The following EDIL3 variants were observed in gnomAD, a reference collection of about 807,000 sequenced individuals.
EDIL3 encodes the protein EGF-like repeat and discoidin I-like domain-containing protein 3.
In EDIL3, 37 loss-of-function variants were observed where a neutral mutation model predicts 67.4. That is an observed-to-expected ratio of 0.55 (90% CI 0.42 to 0.72). The LOEUF is 0.72. Ranked by LOEUF, EDIL3 falls within the 30% of genes least tolerant of loss-of-function variation. The pLI, the probability that EDIL3 is intolerant of heterozygous loss-of-function variation, is 0.00. For synonymous variants in EDIL3, 195 were observed against 196.3 expected, an observed-to-expected ratio of 0.99 and a Z score of 0.05; for missense variants, 527 against 586.3, an observed-to-expected ratio of 0.90 and a Z score of 1.04.
chr5:84,021,331 T>C (rs1363334482), intron 9 of EDIL3, among the ~76,000 whole-genome samples: 1 of 152,002 alleles, frequency 6.6e-6, no homozygotes, highest in Non-Finnish European at 1.5e-5. Context: ...TTAAAACCTT[T>C]CTACTTTTTA....
chr5:84,371,438 T>C (rs1189056180), intron 1 of EDIL3, among the ~76,000 whole-genome samples: 1 of 53,840 alleles, frequency 1.9e-5, no homozygotes, highest in Non-Finnish European at 3.9e-5. Context: ...TGTGTGTATA[T>C]ATATATATAT....
chr5:84,164,607 C>A (rs117982905), intron 4 of EDIL3, among the ~76,000 whole-genome samples: 1 of 152,034 alleles, frequency 6.6e-6, no homozygotes. Context: ...TGTTCTCTAG[C>A]GTTCTGCTTT....
chr5:83,943,752 T>A (rs1744265734), intron 10 of EDIL3, among the ~76,000 whole-genome samples, 184 bp from the exon 11 acceptor site: 1 of 152,120 alleles, frequency 6.6e-6, no homozygotes, highest in Non-Finnish European at 1.5e-5. Context: ...TCAATTAATG[T>A]TTAAAGAGTT....
At chr5:84,003,409 A>G (rs747031123) in intron 9 of EDIL3, among the ~76,000 whole-genome samples, 27 of 152,202 alleles carry the variant, frequency 1.8e-4, no homozygotes, top group Non-Finnish European at 3.4e-4. Flanking sequence ...CAGGGTGCCA[A>G]GCTAAGGTCT....
intron 9 of EDIL3, among the ~76,000 whole-genome samples, chr5:84,005,721 G>T (rs1421513649): frequency 6.6e-6 from 1 of 151,982 alleles, no homozygotes; most frequent in Non-Finnish European, 1.5e-5. Context: ...ATATCATACT[G>T]AATGGGCAAA....
chr5:84,162,804 T>C (rs1242221775), intron 4 of EDIL3, among the ~76,000 whole-genome samples: 6 of 152,112 alleles, frequency 3.9e-5, no homozygotes, highest in Admixed American at 2.6e-4. Flanking sequence ...TACCTTTCTC[T>C]GTCCTTGATC....
intron 8 of EDIL3, among the ~76,000 whole-genome samples, chr5:84,062,568 A>T (rs1317861117): frequency 6.6e-6 from 1 of 152,142 alleles, no homozygotes; most frequent in Non-Finnish European, 1.5e-5. Flanking sequence ...ATGAATGAGT[A>T]TTCCTCCTCT....
intron 1 of EDIL3, among the ~76,000 whole-genome samples, chr5:84,335,589 C>A (rs534256863): frequency 6.6e-6 from 1 of 152,124 alleles, no homozygotes; most frequent in South Asian, 2.1e-4. Flanking sequence ...AAGAAAACTA[C>A]GTCCCAATTC....
intron 1 of EDIL3, among the ~76,000 whole-genome samples, chr5:84,263,188 TGA>T (rs1745270401): frequency 6.6e-6 from 1 of 152,042 alleles, no homozygotes; most frequent in Non-Finnish European, 1.5e-5. Context: ...CAAGAAAGCA[TGA>T]GAGAGGGCCA....
At chr5:84,270,203 A>G (rs1169790966) in intron 1 of EDIL3, among the ~76,000 whole-genome samples, 6 of 152,204 alleles carry the variant, frequency 3.9e-5, no homozygotes, top group Non-Finnish European at 7.3e-5. Context: ...CACAACCTAT[A>G]AAAACCCAAT....
At chr5:84,350,920 A>AAT (rs1747343030) in intron 1 of EDIL3, among the ~76,000 whole-genome samples, 1 of 152,182 alleles carries the variant, frequency 6.6e-6, no homozygotes, top group Non-Finnish European at 1.5e-5. Flanking sequence ...ACATTTAACC[A>AAT]ATATGTAAAT....
At chr5:84,338,669 C>T (rs1379992645) in intron 1 of EDIL3, among the ~76,000 whole-genome samples, 1 of 152,176 alleles carries the variant, frequency 6.6e-6, no homozygotes, top group Non-Finnish European at 1.5e-5. Context: ...GAAATAGAAA[C>T]TCTCACTTTC....
chr5:84,265,835 G>A (rs1328131581), intron 1 of EDIL3, among the ~76,000 whole-genome samples: 1 of 152,184 alleles, frequency 6.6e-6, no homozygotes, highest in South Asian at 2.1e-4. Context: ...GGGAGTTCTT[G>A]ACAAGGAAAG....
chr5:84,248,928 CT>C (rs141945148), intron 2 of EDIL3, among the ~76,000 whole-genome samples: 1,624 of 152,256 alleles, frequency 0.011, 19 homozygotes, highest in Middle Eastern at 0.034. Context: ...AATTGTCCCC[CT>C]GCTGTATTTT....
intron 1 of EDIL3, among the ~76,000 whole-genome samples, chr5:84,333,401 T>C (rs1257703439): frequency 6.6e-6 from 1 of 152,030 alleles, no homozygotes; most frequent in Non-Finnish European, 1.5e-5. Flanking sequence ...TAAAAAATAG[T>C]TCTGGGAAAC....
intron 6 of EDIL3, among the ~76,000 whole-genome samples, chr5:84,098,780 A>G (rs1362424322): frequency 1.3e-5 from 2 of 152,188 alleles, no homozygotes; most frequent in Non-Finnish European, 2.9e-5. Context: ...GGAAATTTAT[A>G]GCACTAAATG....
intron 1 of EDIL3, among the ~76,000 whole-genome samples, chr5:84,377,851 A>G (rs1561273753): frequency 6.6e-6 from 1 of 152,230 alleles, no homozygotes. Context: ...CCACATTCAA[A>G]AGTGCTTTAG....
intron 6 of EDIL3, among the ~76,000 whole-genome samples, chr5:84,103,967 G>T (rs1249027028): frequency 6.6e-6 from 1 of 151,926 alleles, no homozygotes; most frequent in African/African-American, 2.4e-5. Context: ...GGAATCAACC[G>T]AAATGCCAAT....
At chr5:84,133,305 G>C (rs756954258) in intron 5 of EDIL3, among the ~76,000 whole-genome samples, 4 of 151,728 alleles carry the variant, frequency 2.6e-5, no homozygotes, top group Non-Finnish European at 4.4e-5. Context: ...ATAACTGTCA[G>C]AACACTTGAG....
Sources: allele counts gnomAD v4.1 joint callset (sites outside exome capture counted in the v4.1 genomes callset), GRCh38; gene constraint gnomAD v4.1.1; transcripts MANE v1.5; gene names NCBI Gene and HGNC (gene_info 2026-07-23, HGNC 2026-07-21).